The following CIB1 variants were observed in gnomAD, a reference collection of about 807,000 sequenced individuals.
The protein encoded by CIB1 is calcium and integrin binding 1.
Under a neutral mutation model 25.0 loss-of-function variants are expected in CIB1, and 19 were observed. The ratio of observed to expected loss-of-function variants is 0.76; its 90% CI spans 0.53 to 1.12. CIB1 has a LOEUF of 1.12. Ranked by LOEUF, CIB1 falls within the 50% of genes most tolerant of loss-of-function variation. The pLI is 0.00. For synonymous variants in CIB1, 104 were observed against 98.5 expected (o/e 1.06, Z -0.33); for missense variants, 236 against 242.6 (o/e 0.97, Z 0.18).
upstream of CIB1, chr15:90,234,259 G>T: frequency 4.8e-6 from 1 of 210,340 alleles, no homozygotes; most frequent in Non-Finnish European, 9.4e-6. Context: ...AGCGGCTGCG[G>T]GGAAAGTCGC....
chr15:90,240,562 CA>C, the CIB1 span, among the ~76,000 whole-genome samples: 2 of 151,874 alleles, frequency 1.3e-5, no homozygotes, highest in African/African-American at 2.4e-5. Context: ...CCTGTAATCC[CA>C]GCACTTTGGG....
rs1011455379 is a variant in CIB1, at chr15:90,231,466, T to C, written c.237A>G (p.Thr79=). ...AGCTAAGGCTGTCTTTGGCTGGGGATGTGGAGAAGACCCTGCAGATTCGCT... is the reference window on the plus strand; with the variant it reads ...AGCTAAGGCTGTCTTTGGCTGGGGACGTGGAGAAGACCCTGCAGATTCGCT... ...FKERICRVFS[T]SPAKDSLSFE... The change falls in exon 4 of 7, where the codon ACA becomes ACG. Residue 79 remains threonine (T), a synonymous_variant. Coordinates refer to ENST00000328649, the MANE Select transcript of CIB1 (RefSeq NM_006384.4). 3 of 1,614,054 alleles carry C rather than the reference T, an allele frequency of 1.9e-6. No individual in the cohort carries two copies. The highest frequency in any genetic ancestry group is 2.7e-5 in the African/African-American group (2 of 74,912).
the CIB1 span, among the ~76,000 whole-genome samples, chr15:90,246,535 C>G: frequency 8.2e-4 from 124 of 151,792 alleles, no homozygotes; most frequent in Middle Eastern, 3.4e-3. Flanking sequence ...CCTGTAATCC[C>G]AGCAGCACTT....
At chr15:90,240,596 C>T in the CIB1 span, among the ~76,000 whole-genome samples, 22 of 150,984 alleles carry the variant, frequency 1.5e-4, no homozygotes, top group Non-Finnish European at 4.4e-5. Flanking sequence ...AGGGATCACC[C>T]GATGTCAGGA....
At chr15:90,252,714 C>A in the CIB1 span, among the ~76,000 whole-genome samples, 4 of 152,082 alleles carry the variant, frequency 2.6e-5, no homozygotes, top group Non-Finnish European at 1.5e-5. Context: ...ATAAGACTGA[C>A]AGGAGCAGCT....
At chr15:90,246,507 C>A in the CIB1 span, among the ~76,000 whole-genome samples, 5 of 151,908 alleles carry the variant, frequency 3.3e-5, no homozygotes, top group Admixed American at 3.3e-4. Flanking sequence ...CTGCTGAGGC[C>A]AGGTGTAGTG....
At chr15:90,263,868 T>C in the CIB1 span, 1 of 969,630 alleles carries the variant, frequency 1.0e-6, no homozygotes, top group South Asian at 1.4e-5. Context: ...TTCTGCCCCA[T>C]GAATCAATCC....
chr15:90,263,030 G>A, the CIB1 span: 33 of 1,536,010 alleles, frequency 2.1e-5, no homozygotes, highest in African/African-American at 9.6e-5. Context: ...GAGCTGGAGC[G>A]GATGAAGGCC....
chr15:90,263,208 G>T, the CIB1 span: 3 of 1,411,522 alleles, frequency 2.1e-6, no homozygotes, highest in Admixed American at 7.9e-5. Context: ...CCAGGACATG[G>T]TGTTGGTCTC....
chr15:90,251,824 G>GA, the CIB1 span, among the ~76,000 whole-genome samples: 87,011 of 130,514 alleles, frequency 0.67, 27,681 homozygotes, highest in African/African-American at 0.75. Context: ...CAGTAAACAA[G>GA]AAAAAAAAAA....
chr15:90,255,897 TG>T, the CIB1 span: 1 of 1,614,184 alleles, frequency 6.2e-7, no homozygotes, highest in Non-Finnish European at 8.5e-7. Flanking sequence ...TGAGTGGGTC[TG>T]GCTTCCCATG....
the CIB1 span, chr15:90,263,642 C>T: frequency 1.1e-4 from 65 of 598,976 alleles, no homozygotes; most frequent in South Asian, 1.1e-3. Flanking sequence ...TAAATAGTGG[C>T]CGCGGCCTAG....
chr15:90,237,048 T>C (rs1259014040), upstream of CIB1, among the ~76,000 whole-genome samples: 1 of 152,070 alleles, frequency 6.6e-6, no homozygotes, highest in African/African-American at 2.4e-5. Context: ...AACCTCTGCC[T>C]CCCAGATTCA....
chr15:90,247,303 T>TC, the CIB1 span, among the ~76,000 whole-genome samples: 3 of 149,386 alleles, frequency 2.0e-5, no homozygotes, highest in African/African-American at 7.5e-5. Context: ...TTTTTCTTTT[T>TC]TTTTTTTTTT....
the CIB1 span, chr15:90,253,284 G>A: frequency 1.2e-6 from 2 of 1,613,840 alleles, no homozygotes; most frequent in African/African-American, 1.3e-5. Context: ...CCTGAAGGAG[G>A]TGGGGGAGGA....
chr15:90,254,860 A>G, the CIB1 span, among the ~76,000 whole-genome samples: 1 of 152,298 alleles, frequency 6.6e-6, no homozygotes, highest in Admixed American at 6.5e-5. Flanking sequence ...AAGGGGGAAA[A>G]AAAAAGGATA....
chr15:90,264,943 C>G, the CIB1 span: 1 of 1,536,046 alleles, frequency 6.5e-7, no homozygotes, highest in Non-Finnish European at 8.7e-7. Context: ...CCAGAGCACT[C>G]CTCAACATCA....
chr15:90,257,910 T>G, the CIB1 span: 1 of 981,504 alleles, frequency 1.0e-6, no homozygotes, highest in East Asian at 2.6e-5. Flanking sequence ...AACTAGTCCC[T>G]GCTCCAAACT....
At chr15:90,258,165 C>T in the CIB1 span, 21 of 1,614,110 alleles carry the variant, frequency 1.3e-5, no homozygotes, top group Middle Eastern at 3.3e-4. Flanking sequence ...CCACAACTAC[C>T]GAACCTGTTT....
Sources: gnomAD v4.1 joint callset for allele counts (sites outside exome capture counted in the v4.1 genomes callset) on GRCh38, gnomAD v4.1.1 for gene constraint, MANE v1.5 for transcripts, NCBI Gene and HGNC (gene_info 2026-07-23, HGNC 2026-07-21) for gene names.